Variants in CFH observed in about 807,000 individuals in gnomAD.
The protein encoded by CFH is H factor 1 (complement).
In CFH, 53 loss-of-function variants were observed where a neutral mutation model predicts 147.3. That is an observed-to-expected ratio of 0.36 (90% CI 0.29 to 0.45). The LOEUF is 0.45. CFH is among the 20% of genes least tolerant of loss of function. The pLI is 1.00. For missense variants in CFH, 1,380 were observed against 1,498.0 expected, an observed-to-expected ratio of 0.92 and a Z score of 1.30; for synonymous variants, 536 against 489.4, an observed-to-expected ratio of 1.10 and a Z score of -1.26.
chr1:196,693,537 G>A (rs982970589), intron 9 of CFH, among the ~76,000 whole-genome samples: 15 of 152,074 alleles, frequency 9.9e-5, no homozygotes, highest in Non-Finnish European at 2.1e-4. Flanking sequence ...TGATAACTTG[G>A]AATACTACTA....
At chr1:196,658,032 G>A (rs1229681966) in intron 1 of CFH, among the ~76,000 whole-genome samples, 1 of 152,036 alleles carries the variant, frequency 6.6e-6, no homozygotes, top group Non-Finnish European at 1.5e-5. Context: ...TTAGCTTGGT[G>A]TTTGTATGTC....
At chr1:196,701,346 G>A (rs754799698) in intron 9 of CFH, 1 of 1,613,540 alleles carries the variant, frequency 6.2e-7, no homozygotes, top group Non-Finnish European at 8.5e-7. Context: ...CTGATCGAAG[G>A]TCATCCCTCT....
At chr1:196,710,666 G>A (rs1231397948) in intron 9 of CFH, among the ~76,000 whole-genome samples, 1 of 152,082 alleles carries the variant, frequency 6.6e-6, no homozygotes, top group Non-Finnish European at 1.5e-5. Flanking sequence ...CACTAGAACT[G>A]GGACACATTC....
At chr1:196,714,736 C>T (rs925544180) in intron 10 of CFH, among the ~76,000 whole-genome samples, 3 of 126,552 alleles carry the variant, frequency 2.4e-5, no homozygotes, top group Non-Finnish European at 5.0e-5. Context: ...CTTGCTCTGT[C>T]GTCGGCCAGG....
chr1:196,741,693 T>A (rs934040570), intron 18 of CFH, 182 bp from the exon 19 acceptor site: 2 of 592,648 alleles, frequency 3.4e-6, no homozygotes, highest in Admixed American at 6.1e-5. Flanking sequence ...GTATTTTTAA[T>A]AGATTTAGAA....
At chr1:196,733,609 G>A (rs773440932) in intron 15 of CFH, among the ~76,000 whole-genome samples, 5 of 152,004 alleles carry the variant, frequency 3.3e-5, no homozygotes, top group Admixed American at 1.3e-4. Context: ...CATATAAAAC[G>A]CCATTTCTTT....
In CFH at chr1:196,740,801, C is replaced by T; in HGVS notation, c.2956+9C>T. 6.2e-7 allele frequency: 1 copy of T among 1,612,822 alleles called. No homozygotes were observed. Among genetic ancestry groups the T allele is most frequent in the South Asian group, 1.1e-5 (1 of 91,056 alleles). On this transcript the variant is annotated intron_variant, in intron 18 of 21. Coordinates refer to ENST00000367429, the MANE Select transcript of CFH (RefSeq NM_000186.4). ...CCCTCCATCATGCATAAGTATGGTG[C>T]ATTGAATTTTATTATATGTATGATA... is the stretch of plus-strand genomic sequence containing the variant.
chr1:196,675,119 T>C (rs992923153), intron 3 of CFH, among the ~76,000 whole-genome samples: 1 of 152,202 alleles, frequency 6.6e-6, no homozygotes, highest in East Asian at 1.9e-4. Context: ...ATTTCTTTTA[T>C]CACAGGCTTG....
intron 9 of CFH, chr1:196,700,830 G>A: frequency 1.0e-6 from 1 of 985,370 alleles, no homozygotes; most frequent in Non-Finnish European, 1.2e-6. Context: ...TGGCAGGGCA[G>A]TGCTGACTTT....
chr1:196,685,001 A>G lies in CFH; in HGVS notation c.791-63A>G, dbSNP rs1667777307. On this transcript the variant is annotated intron_variant, in intron 6 of 21. Coordinates refer to ENST00000367429, the MANE Select transcript of CFH (RefSeq NM_000186.4). ...ATAACACCCACTTTTAAATGTTTAT[A>G]TAAATGATTAATTTTAACGGATACT... 3.1e-6 allele frequency: 4 copies of G among 1,271,642 alleles called. No individual in the cohort carries two copies. In the African/African-American group the frequency reaches 4.5e-5, roughly 14 times the overall value. 78.8% of individuals were successfully genotyped at this position (1,271,642 alleles called of 1,614,324 possible). A position where few individuals can be genotyped will look rare whatever the true frequency, so the allele number is the denominator to read the frequency against.
At chr1:196,731,719 A>G (rs1253197508) in intron 15 of CFH, among the ~76,000 whole-genome samples, 1 of 151,964 alleles carries the variant, frequency 6.6e-6, no homozygotes, top group Non-Finnish European at 1.5e-5. Flanking sequence ...CAATCTCAGA[A>G]AGCCTTTATC....
intron 1 of CFH, among the ~76,000 whole-genome samples, chr1:196,653,166 CTTATAG>C (rs1666562437): frequency 6.6e-6 from 1 of 151,528 alleles, no homozygotes; most frequent in African/African-American, 2.4e-5. Context: ...CAGATATATT[CTTATAG>C]TTATACACTT....
chr1:196,686,861 A>T (rs1667846512), intron 7 of CFH, among the ~76,000 whole-genome samples: 1 of 152,126 alleles, frequency 6.6e-6, no homozygotes. Flanking sequence ...TATATGGTTT[A>T]TCAGTTTTTA....
intron 1 of CFH, among the ~76,000 whole-genome samples, chr1:196,671,274 G>A (rs1270282814): frequency 1.7e-4 from 26 of 151,984 alleles, no homozygotes; most frequent in African/African-American, 5.3e-4. Flanking sequence ...CTGAATCTGA[G>A]TGTCTAGTTC....
At chr1:196,728,607 C>T (rs1558179946) in intron 15 of CFH, 85 bp downstream of exon 15, 1 of 1,336,766 alleles carries the variant, frequency 7.5e-7, no homozygotes. Flanking sequence ...AAAACTTTAG[C>T]TATTTATTAT....
rs928296341 is a variant in CFH at position 196,672,989 on chromosome 1, C to T, written c.70C>T (p.Leu24Phe). The change falls in exon 2 of 22, where the codon CTT becomes TTT. Residue 24 changes from leucine to phenylalanine, a missense_variant. Leu to Phe is a conservative substitution (Grantham distance 22, BLOSUM62 0). Transcript: ENST00000367429. ...TTTATTGTTTGTAGATTGCAATGAA[C>T]TTCCTCCAAGAAGAAATACAGAAAT... ...AICVAEDCNE[L>F]PPRRNTEILT... The T allele has an allele frequency of 1.9e-6, 3 of 1,613,826 alleles. No individual in the cohort carries two copies. The highest frequency in any genetic ancestry group is 2.2e-5 in the South Asian group (2 of 91,072).
chr1:196,728,580 G>T (rs2149109406), intron 15 of CFH, 58 bp downstream of exon 15: 4 of 1,528,646 alleles, frequency 2.6e-6, no homozygotes, highest in Non-Finnish European at 2.7e-6. Context: ...AAAAGTAATA[G>T]GTATGTGTGT....
At chr1:196,654,015 A>G (rs1330115909) in intron 1 of CFH, among the ~76,000 whole-genome samples, 1 of 152,096 alleles carries the variant, frequency 6.6e-6, no homozygotes, top group Non-Finnish European at 1.5e-5. Context: ...TACTCTCTGA[A>G]ACTAAACTAG....
intron 9 of CFH, among the ~76,000 whole-genome samples, chr1:196,706,263 T>C (rs1448400180): frequency 2.0e-5 from 3 of 152,154 alleles, no homozygotes; most frequent in African/African-American, 7.2e-5. Flanking sequence ...GAAAGCGGGC[T>C]CTTAACCTTT....
Sources: gnomAD v4.1 joint callset for allele counts (sites outside exome capture counted in the v4.1 genomes callset) on GRCh38, gnomAD v4.1.1 for gene constraint, MANE v1.5 for transcripts, NCBI Gene and HGNC (gene_info 2026-07-23, HGNC 2026-07-21) for gene names.